Variants in UBE4B observed in about 807,000 individuals in gnomAD.
UBE4B encodes ubiquitin conjugation factor E4 B.
Under a neutral mutation model 148.1 loss-of-function variants are expected in UBE4B, and 27 were observed. The ratio of observed to expected loss-of-function variants is 0.18; its 90% CI spans 0.13 to 0.25. The LOEUF is 0.25. UBE4B is among the 10% of genes least tolerant of loss of function. UBE4B has a pLI of 1.00. For synonymous variants in UBE4B, 596 were observed against 619.3 expected, an observed-to-expected ratio of 0.96 and a Z score of 0.56; for missense variants, 1,170 against 1,662.4, an observed-to-expected ratio of 0.70 and a Z score of 5.15.
intron 11 of UBE4B, among the ~76,000 whole-genome samples, chr1:10,127,832 A>G (rs1412281877): frequency 2.6e-5 from 4 of 152,242 alleles, no homozygotes; most frequent in African/African-American, 9.6e-5. Context: ...ACAGCGCAAC[A>G]GTTGAACAGA....
Position 10,158,981 on chromosome 1 carries a change from G to C in UBE4B, c.3053+499G>C, listed in dbSNP as rs181464176. On this transcript the variant is annotated intron_variant, in intron 22 of 27. Transcript: ENST00000343090. Reference sequence around the variant, plus strand: ...GCCGAGATTGTGCCAGTGCTCTCCAGCCTGGGTGACAGAGCGAGACTCCGT... The same window carrying C: ...GCCGAGATTGTGCCAGTGCTCTCCACCCTGGGTGACAGAGCGAGACTCCGT... Among the ~76,000 whole-genome samples the C allele has an allele frequency of 5.4e-5, 8 of 148,718 alleles. No individual in the cohort carries two copies. The East Asian group carries it at 1.6e-3, about 30-fold the overall frequency.
At chr1:10,156,100 A>C (rs763449526) in intron 21 of UBE4B, among the ~76,000 whole-genome samples, 4 of 151,820 alleles carry the variant, frequency 2.6e-5, no homozygotes, top group Non-Finnish European at 2.9e-5. Flanking sequence ...ACACAAGTCT[A>C]GTCCACCTAC....
At chr1:10,144,850 T>C (rs571759214) in intron 17 of UBE4B, 90 bp from the exon 18 acceptor site, 15 of 831,692 alleles carry the variant, frequency 1.8e-5, no homozygotes, top group African/African-American at 1.7e-4. Flanking sequence ...AACAAACAAC[T>C]GCGTGTGAGA....
intron 2 of UBE4B, 72 bp from the exon 3 acceptor site, chr1:10,095,389 T>C: frequency 6.3e-7 from 1 of 1,581,198 alleles, no homozygotes; most frequent in Admixed American, 1.8e-5. Flanking sequence ...TGTGCGTGTT[T>C]ACTGTCGCTA....
intron 1 of UBE4B, among the ~76,000 whole-genome samples, chr1:10,045,243 C>CCAG (rs1337408926): frequency 6.6e-6 from 1 of 152,132 alleles, no homozygotes; most frequent in Non-Finnish European, 1.5e-5. Flanking sequence ...GGTCTGTGGC[C>CCAG]CAGGGGTTGG....
At chr1:10,073,906 ATTTC>A (rs1209611997) in intron 2 of UBE4B, among the ~76,000 whole-genome samples, 2 of 128,034 alleles carry the variant, frequency 1.6e-5, no homozygotes, top group East Asian at 2.2e-4. Flanking sequence ...CTGGCTTCCC[ATTTC>A]TTTCTTTCTA....
In UBE4B at chr1:10,106,621, G is replaced by T; in HGVS notation, c.1196+38G>T. 4.0e-6 allele frequency: 6 copies of T among 1,496,596 alleles called. No individual in the cohort carries two copies. Among genetic ancestry groups the T allele is most frequent in the Non-Finnish European group, 4.4e-6 (5 of 1,131,530 alleles). The allele number at this position is 1,496,596 out of a possible 1,614,324, so 92.7% of individuals were successfully genotyped here. ...CAGGAGAGTTGCATGTGTGTTTGCGGTGCAGGGAAAGGAGATTAACACGGT... is the reference window on the plus strand; with the variant it reads ...CAGGAGAGTTGCATGTGTGTTTGCGTTGCAGGGAAAGGAGATTAACACGGT... On this transcript the variant is annotated intron_variant, in intron 7 of 27. Coordinates refer to ENST00000343090, the MANE Select transcript of UBE4B (RefSeq NM_001105562.3). The surrounding 1 kb of genome is among the most constrained non-coding windows in gnomAD (Gnocchi z 4.2).
At chr1:10,052,191 C>T (rs778678858) in intron 1 of UBE4B, among the ~76,000 whole-genome samples, 5 of 152,014 alleles carry the variant, frequency 3.3e-5, no homozygotes, top group East Asian at 1.9e-4. Flanking sequence ...CTCAGCCTCC[C>T]GAGTAGCTGG....
chr1:10,055,160 A>G (rs1043544681), intron 1 of UBE4B, among the ~76,000 whole-genome samples: 6 of 152,152 alleles, frequency 3.9e-5, no homozygotes, highest in African/African-American at 1.4e-4. Flanking sequence ...TGAATAAAGC[A>G]TCTTTTGGCT....
At position 10,179,877 on chromosome 1, in the gene UBE4B, CT is replaced by C; in HGVS notation, c.3848-11del. The C allele has an allele frequency of 6.2e-7, 1 of 1,613,340 alleles. No homozygotes were observed. The highest frequency in any genetic ancestry group is 8.5e-7 in the Non-Finnish European group (1 of 1,179,966). On this transcript the variant is annotated splice_polypyrimidine_tract_variant and intron_variant, in intron 27 of 27. Transcript: ENST00000343090. ...CCTCCCATCTGGGGCATTAATCCTC[CT>C]TTTTTTCTTTTCTCAGTGCCAGAAC...
At position 10,043,414 on chromosome 1, in the gene UBE4B, G is replaced by C. The variant is rs1643847422; in HGVS notation, c.24+9720G>C. ...CACATTTTAATATCTTTGAAATTGA[G>C]ATGCTGCTTTTTTTTTTTTTTTTTT... On this transcript the variant is annotated intron_variant, in intron 1 of 27. Transcript: ENST00000343090. Among the ~76,000 whole-genome samples the C allele has an allele frequency of 1.4e-5, 2 of 142,590 alleles. 1 individual carries two copies. Among genetic ancestry groups the C allele is most frequent in the Non-Finnish European group, 3.0e-5 (2 of 65,662 alleles). The allele number at this position is 142,590 out of a possible 152,430, so 93.5% of individuals were successfully genotyped here.
At chr1:10,091,652 C>T (rs1644850037) in intron 2 of UBE4B, among the ~76,000 whole-genome samples, 1 of 152,134 alleles carries the variant, frequency 6.6e-6, no homozygotes, top group African/African-American at 2.4e-5. Flanking sequence ...GTCACCCAGG[C>T]CGCAGTGCAG....
At chr1:10,042,292 G>C (rs1325396202) in intron 1 of UBE4B, among the ~76,000 whole-genome samples, 1 of 152,196 alleles carries the variant, frequency 6.6e-6, no homozygotes, top group Non-Finnish European at 1.5e-5. Flanking sequence ...TTGACTAGCT[G>C]CATCCCTGAT....
intron 1 of UBE4B, among the ~76,000 whole-genome samples, chr1:10,049,600 TA>T (rs1643989322): frequency 6.6e-6 from 1 of 151,936 alleles, no homozygotes; most frequent in African/African-American, 2.4e-5. Context: ...AAAATTTTTT[TA>T]AATTAGGAAA....
rs187031332 is a variant in UBE4B at position 10,053,770 on chromosome 1, G to A, written c.25-18258G>A. Among the ~76,000 whole-genome samples, 410 of 152,234 alleles carry A rather than the reference G, an allele frequency of 2.7e-3. 1 individual carries two copies. Among genetic ancestry groups the A allele is most frequent in the Admixed American group, 4.3e-3 (66 of 15,294 alleles). On this transcript the variant is annotated intron_variant, in intron 1 of 27. Transcript: ENST00000343090. ...GTGGCGTGATCACGGCTCACTTGCA[G>A]CCTCGACCTTTCGGGCTCAAGTGAT...
chr1:10,099,184 G>A (rs982850292), intron 3 of UBE4B, among the ~76,000 whole-genome samples: 1 of 152,176 alleles, frequency 6.6e-6, no homozygotes, highest in African/African-American at 2.4e-5. Context: ...AGGGGTTGCA[G>A]TGAGCCAAGA....
intron 18 of UBE4B, among the ~76,000 whole-genome samples, chr1:10,146,288 C>T (rs1269119978): frequency 6.6e-6 from 1 of 152,106 alleles, no homozygotes; most frequent in Non-Finnish European, 1.5e-5. Flanking sequence ...CCCGTCTCTA[C>T]TAAAAATACA....
intron 2 of UBE4B, 182 bp downstream of exon 2, chr1:10,072,396 A>G (rs1644502978): frequency 5.3e-6 from 4 of 757,252 alleles, no homozygotes; most frequent in South Asian, 1.7e-5. Flanking sequence ...TTTTATTGCA[A>G]TCTGTTAAAC....
intron 1 of UBE4B, among the ~76,000 whole-genome samples, chr1:10,044,262 C>T (rs1371407487): frequency 6.6e-6 from 1 of 151,932 alleles, no homozygotes; most frequent in African/African-American, 2.4e-5. Flanking sequence ...CTCTTGTTGT[C>T]CAGGCTGATC....
Sources: gnomAD v4.1 joint callset for allele counts (sites outside exome capture counted in the v4.1 genomes callset) on GRCh38, gnomAD v4.1.1 for gene constraint, Gnocchi (gnomAD v3.1) non-coding constraint, MANE v1.5 for transcripts, NCBI Gene and HGNC (gene_info 2026-07-23, HGNC 2026-07-21) for gene names.